KIF11: variants seen among roughly 807,000 people sequenced by gnomAD.
The protein encoded by KIF11 is kinesin family member 11, also known as kinesin-like protein KIF11.
A neutral mutation model predicts 121.0 loss-of-function variants in KIF11; 9 were observed. The ratio of observed to expected loss-of-function variants is 0.07; its 90% CI spans 0.04 to 0.13. The LOEUF (loss-of-function observed/expected upper bound fraction) is 0.13. KIF11 is among the 10% of genes least tolerant of loss of function. KIF11 has a pLI of 1.00. For missense variants in KIF11, 846 were observed against 1,217.5 expected (o/e 0.69, Z 4.54); for synonymous variants, 408 against 421.0 (o/e 0.97, Z 0.38).
intron 17 of KIF11, among the ~76,000 whole-genome samples, chr10:92,643,933 T>A (rs766435600): frequency 2.0e-5 from 3 of 152,198 alleles, no homozygotes; most frequent in Non-Finnish European, 4.4e-5. Flanking sequence ...CTGTTTTTGA[T>A]CCTGTTAAGT....
In KIF11 at chr10:92,637,412, A is replaced by T; in HGVS notation, c.2027A>T (p.Asp676Val). 6.3e-7 allele frequency: 1 copy of T among 1,581,106 alleles called. No individual in the cohort carries two copies. The highest frequency in any genetic ancestry group is 8.5e-7 in the Non-Finnish European group (1 of 1,172,342). ...ATAGAAGATCAAAAAAAGGAACTAG[A>T]TGGCTTTCTCAGTATACTGTGTAAC... ...DKIEDQKKEL[D>V]GFLSILCNNL... The change falls in exon 16 of 22, where the codon GAT (aspartate) becomes GTT (valine). Residue 676 changes from aspartate to valine, a missense_variant. This residue lies in a region of KIF11 where 492 missense variants were observed against 603.4 expected (regional missense o/e 0.82). Coordinates refer to ENST00000260731, the MANE Select transcript of KIF11 (RefSeq NM_004523.4).
At chr10:92,651,507 G>GTATTTTTTTTTTTTTTTTTTT (rs1554863366) in intron 21 of KIF11, among the ~76,000 whole-genome samples, 6 of 52,974 alleles carry the variant, frequency 1.1e-4, no homozygotes, top group South Asian at 9.7e-4. Flanking sequence ...GGCTAATTTT[G>GTATTTTTTTTTTTTTTTTTTT]TTTTTTTTTT....
At chr10:92,608,953 C>T in intron 4 of KIF11, 67 bp from the exon 5 acceptor site, 1 of 807,864 alleles carries the variant, frequency 1.2e-6, no homozygotes, top group Non-Finnish European at 1.9e-6. Flanking sequence ...ATAAAGGAGG[C>T]CCATGTATTT....
At chr10:92,639,079 G>C (rs536848936) in intron 16 of KIF11, among the ~76,000 whole-genome samples, 1 of 152,250 alleles carries the variant, frequency 6.6e-6, no homozygotes, top group East Asian at 1.9e-4. Context: ...TTTAGCTCCA[G>C]TAATTGATAA....
At chr10:92,630,143 C>T (rs779811042) in intron 11 of KIF11, 33 bp from the exon 12 acceptor site, 2 of 1,116,426 alleles carry the variant, frequency 1.8e-6, no homozygotes, top group East Asian at 2.8e-5. Context: ...ATCCTACCAG[C>T]CAGCTCAGCG....
chr10:92,625,295 T>G (rs1844662238), intron 10 of KIF11, among the ~76,000 whole-genome samples: 1 of 152,142 alleles, frequency 6.6e-6, no homozygotes, highest in Admixed American at 6.6e-5. Flanking sequence ...TAGTTTCATA[T>G]GCTTCTTAGC....
At chr10:92,607,105 A>G (rs1844438868) in intron 3 of KIF11, 54 bp from the exon 4 acceptor site, 1 of 878,642 alleles carries the variant, frequency 1.1e-6, no homozygotes. Flanking sequence ...TCTATCACTA[A>G]GAGTCATATG....
rs755013642 is a variant in KIF11 at position 92,632,685 on chromosome 10, C to A, written c.1694C>A (p.Thr565Asn). 8.8e-6 allele frequency: 14 copies of A among 1,597,222 alleles called. No individual in the cohort carries two copies. Among genetic ancestry groups the A allele is most frequent in the Non-Finnish European group, 3.4e-6 (4 of 1,169,856 alleles). ...AAGGCCATGCTAGAAGTACATAAGA[C>A]CTTATTTGGTAAGTTCAGGCTGTTC... Reference protein sequence around the residue: ...KQKAMLEVHKTLFGNLLSSSV... With the variant: ...KQKAMLEVHKNLFGNLLSSSV... The change falls in exon 13 of 22, where the codon ACC (threonine) becomes AAC (asparagine). Residue 565 changes from threonine (T) to asparagine (N), a missense_variant. Coordinates refer to ENST00000260731, the MANE Select transcript of KIF11 (RefSeq NM_004523.4).
chr10:92,614,548 C>G (rs1438874057), intron 8 of KIF11, among the ~76,000 whole-genome samples: 1 of 152,108 alleles, frequency 6.6e-6, no homozygotes, highest in East Asian at 1.9e-4. Context: ...TCCACACAGT[C>G]TTCAAAGAAA....
In KIF11 at chr10:92,654,092, C is replaced by A. The variant is rs1016850987; in HGVS notation, c.*296C>A. The A allele has an allele frequency of 7.9e-5, 18 of 227,164 alleles. No individual in the cohort carries two copies. Among genetic ancestry groups the A allele is most frequent in the Admixed American group, 4.5e-4 (9 of 19,856 alleles). 14.1% of individuals were successfully genotyped at this position (227,164 alleles called of 1,614,324 possible). A position where few individuals can be genotyped will look rare whatever the true frequency, so the allele number is the denominator to read the frequency against. On this transcript the variant is annotated 3_prime_UTR_variant, in exon 22 of 22. Coordinates refer to ENST00000260731, the MANE Select transcript of KIF11 (RefSeq NM_004523.4). ...TGGGGAGGCTGAGGCACGAGAATCA[C>A]TTGAACCCAGGAAGCGGGGTTGCAG... is the stretch of plus-strand genomic sequence containing the variant.
intron 1 of KIF11, chr10:92,596,961 A>G (rs768640552): frequency 5.4e-6 from 2 of 371,438 alleles, no homozygotes; most frequent in Non-Finnish European, 1.1e-5. Flanking sequence ...ACCCAGCACC[A>G]TACAGAAGTC....
Position 92,593,363 on chromosome 10 carries a change from G to A in KIF11, c.-13G>A, listed in dbSNP as rs746095298. On this transcript the variant is annotated 5_prime_UTR_variant, in exon 1 of 22. Coordinates refer to ENST00000260731, the MANE Select transcript of KIF11 (RefSeq NM_004523.4). ...GTCCGCGGCCGGGCCTTGATTTTTT[G>A]GCGGGGACCGTCATGGCGTCGCAGC... The A allele has an allele frequency of 6.2e-7, 1 of 1,603,570 alleles. No individual in the cohort carries two copies. Among genetic ancestry groups the A allele is most frequent in the Non-Finnish European group, 8.5e-7 (1 of 1,175,854 alleles).
intron 1 of KIF11, among the ~76,000 whole-genome samples, chr10:92,596,623 G>T (rs1236246123): frequency 6.6e-6 from 1 of 151,062 alleles, no homozygotes; most frequent in Non-Finnish European, 1.5e-5. Flanking sequence ...AATGATTAAT[G>T]ATGTTGAGCA....
At position 92,652,326 on chromosome 10, in the gene KIF11, G is replaced by A. The variant is rs575160236; in HGVS notation, c.3040-1339G>A. On this transcript the variant is annotated intron_variant, in intron 21 of 21. Coordinates refer to ENST00000260731, the MANE Select transcript of KIF11 (RefSeq NM_004523.4). ...TGGCTAATATTGTATTTTTAGTAGA[G>A]AAGGGGTTTCTCCATGTTGGTCAGG... is the stretch of plus-strand genomic sequence containing the variant. Among the ~76,000 whole-genome samples, 7 of 152,116 alleles carry A rather than the reference G, an allele frequency of 4.6e-5. No individual in the cohort carries two copies. The East Asian group carries it at 1.2e-3, about 25-fold the overall frequency.
chr10:92,633,865 G>C (rs544932172), intron 14 of KIF11, 70 bp downstream of exon 14: 10 of 1,016,778 alleles, frequency 9.8e-6, no homozygotes, highest in Non-Finnish European at 1.5e-5. Context: ...ATTTTGAAGG[G>C]TTACATTTGA....
At chr10:92,650,592 G>A (rs936326303) in intron 21 of KIF11, 75 bp downstream of exon 21, 13 of 854,432 alleles carry the variant, frequency 1.5e-5, no homozygotes, top group South Asian at 1.3e-4. Context: ...GGTATTGTTC[G>A]TGGTGAGCAG....
Position 92,630,192 on chromosome 10 carries a change from T to C in KIF11, c.1322T>C (p.Met441Thr). ...EELNRVTELF[M>T]DNKNELDQCK... ...TATATTTAGGTTACAGAGTTGTTTA[T>C]GGATAATAAAAATGAACTTGACCAG... is the stretch of plus-strand genomic sequence containing the variant. Residue 441 changes from methionine (M) to threonine (T), a missense_variant, in exon 12 of 22, where the codon ATG (methionine) becomes ACG (threonine). Met to Thr is a moderately conservative substitution (Grantham distance 81). Coordinates refer to ENST00000260731, the MANE Select transcript of KIF11 (RefSeq NM_004523.4). 6.4e-7 allele frequency: 1 copy of C among 1,567,630 alleles called. No homozygotes were observed. The highest frequency in any genetic ancestry group is 8.6e-7 in the Non-Finnish European group (1 of 1,158,046).
chr10:92,648,385 T>C lies in KIF11; in HGVS notation c.2721T>C (p.Thr907=). ...ATGAAACCATAAAAATTGGTTTGAC[T>C]AAGCTTAATTGCTTTCTGGAACAGG... is the stretch of plus-strand genomic sequence containing the variant. ...ELNETIKIGL[T]KLNCFLEQDL... Residue 907 remains threonine (T), a synonymous_variant, in exon 19 of 22, where the codon ACT becomes ACC. Transcript: ENST00000260731. 4.3e-6 allele frequency: 7 copies of C among 1,612,390 alleles called. No individual in the cohort carries two copies. Among genetic ancestry groups the C allele is most frequent in the Non-Finnish European group, 5.9e-6 (7 of 1,178,958 alleles).
chr10:92,651,037 C>T (rs1266300791), intron 21 of KIF11, among the ~76,000 whole-genome samples: 1 of 151,742 alleles, frequency 6.6e-6, no homozygotes, highest in Non-Finnish European at 1.5e-5. Flanking sequence ...CTCTCCTACC[C>T]ACTCTTCTTT....
Sources: allele counts gnomAD v4.1 joint callset (sites outside exome capture counted in the v4.1 genomes callset), GRCh38; gene constraint gnomAD v4.1.1; regional missense constraint gnomAD v4.1.1; transcripts MANE v1.5; gene names NCBI Gene and HGNC (gene_info 2026-07-23, HGNC 2026-07-21).